Variants in PRKCZ observed in about 807,000 individuals in gnomAD.
PRKCZ encodes the protein protein kinase C zeta, also known as protein kinase C zeta type.
Under a neutral mutation model 79.5 loss-of-function variants are expected in PRKCZ, and 33 were observed. That is an observed-to-expected ratio of 0.41 (90% CI 0.31 to 0.55). The LOEUF is 0.55. Ranked by LOEUF, PRKCZ falls within the 20% of genes least tolerant of loss-of-function variation. The pLI is 0.19. For missense variants in PRKCZ, 578 were observed against 813.5 expected, an observed-to-expected ratio of 0.71 and a Z score of 3.52; for synonymous variants, 342 against 320.9, an observed-to-expected ratio of 1.07 and a Z score of -0.70.
Position 2,149,412 on chromosome 1 carries a change from G to T in PRKCZ, c.687+488G>T, listed in dbSNP as rs988517328. ...CATAAACCCTGAGAAGGGAACAGAA[G>T]AGCTTGCTGCGTTCTCAGCCTCTGC... On this transcript the variant is annotated intron_variant, in intron 8 of 17. Transcript: ENST00000378567. The surrounding 1 kb of genome is among the most constrained non-coding windows in gnomAD (Gnocchi z 4.1). 6.6e-6 allele frequency among the ~76,000 whole-genome samples: 1 copy of T among 152,224 alleles called. No individual in the cohort carries two copies. Among genetic ancestry groups the T allele is most frequent in the Non-Finnish European group, 1.5e-5 (1 of 68,044 alleles).
rs1387433788 is a variant in PRKCZ, at chr1:2,173,777, C to CGCCTG, written c.1286-119_1286-115dup. 4.3e-6 allele frequency: 6 copies of CGCCTG among 1,407,360 alleles called. No individual in the cohort carries two copies. In the African/African-American group the frequency reaches 8.8e-5, roughly 21 times the overall value. The allele number at this position is 1,407,360 out of a possible 1,614,324, so 87.2% of individuals were successfully genotyped here. ...GTGGAAGTCACAGAGGCCTGTGTGC[C>CGCCTG]GCCTGCTCAAGCCTGGCTCACACTC... On this transcript the variant is annotated intron_variant, in intron 13 of 17. Transcript: ENST00000378567. The surrounding 1 kb of genome is among the most constrained non-coding windows in gnomAD (Gnocchi z 5.7).
intron 5 of PRKCZ, among the ~76,000 whole-genome samples, chr1:2,139,909 C>T (rs1676979280): frequency 6.6e-6 from 1 of 152,224 alleles, no homozygotes; most frequent in South Asian, 2.1e-4. Flanking sequence ...GGCCACGTCT[C>T]TGAGCTGTGG....
chr1:2,082,450 A>G lies in PRKCZ; in HGVS notation c.334+22859A>G. ...AGAATTGAGTTTGCATGGAGACTGT[A>G]ATTTCATTCTGTGAGTGTAAGATCA... On this transcript the variant is annotated intron_variant, in intron 4 of 17. Coordinates refer to ENST00000378567, the MANE Select transcript of PRKCZ (RefSeq NM_002744.6). This position sits in a 1 kb window ranked among gnomAD's most constrained non-coding sequence, Gnocchi z 4.4. The G allele has an allele frequency of 2.2e-6, 1 of 455,894 alleles. No homozygotes were observed. The highest frequency in any genetic ancestry group is 4.4e-6 in the Non-Finnish European group (1 of 226,788). The allele number at this position is 455,894 out of a possible 1,614,324, so 28.2% of individuals were successfully genotyped here.
chr1:2,096,676 C>G (rs1666580029), intron 4 of PRKCZ, among the ~76,000 whole-genome samples: 1 of 152,116 alleles, frequency 6.6e-6, no homozygotes, highest in South Asian at 2.1e-4. Flanking sequence ...CTGGGCTCTG[C>G]AGCAAGGCGG....
chr1:2,101,011 T>A (rs1407106464), intron 4 of PRKCZ, among the ~76,000 whole-genome samples: 2 of 115,714 alleles, frequency 1.7e-5, no homozygotes. Context: ...TAAGACAATT[T>A]ATTTTGTTAA....
intron 7 of PRKCZ, among the ~76,000 whole-genome samples, chr1:2,146,736 C>G (rs1309074559): frequency 6.6e-6 from 1 of 152,188 alleles, no homozygotes; most frequent in Admixed American, 6.5e-5. Flanking sequence ...CATTGGGAGA[C>G]CACAGAACAT....
intron 4 of PRKCZ, chr1:2,073,616 G>A (rs1661834195): frequency 3.0e-6 from 3 of 988,702 alleles, no homozygotes; most frequent in Non-Finnish European, 2.4e-6. Context: ...TTCCTGTGAC[G>A]TCAGCGTCAG....
chr1:2,082,476 C>T lies in PRKCZ; in HGVS notation c.334+22885C>T, dbSNP rs932043958. ...ATTTCATTCTGTGAGTGTAAGATCA[C>T]GTCCGCGTTCCTAGCGACCGGTTTT... On this transcript the variant is annotated intron_variant, in intron 4 of 17. Coordinates refer to ENST00000378567, the MANE Select transcript of PRKCZ (RefSeq NM_002744.6). The surrounding 1 kb of genome is among the most constrained non-coding windows in gnomAD (Gnocchi z 4.4). 32 of 452,384 alleles carry T rather than the reference C, an allele frequency of 7.1e-5. No homozygotes were observed. The highest frequency in any genetic ancestry group is 5.6e-4 in the African/African-American group (28 of 49,940). The allele number at this position is 452,384 out of a possible 1,614,324, so 28.0% of individuals were successfully genotyped here.
chr1:2,143,650 G>GAATA (rs1313369599), intron 5 of PRKCZ: 1 of 152,310 alleles, frequency 6.6e-6, no homozygotes, highest in Non-Finnish European at 1.5e-5. Flanking sequence ...GAACCATGAA[G>GAATA]AATAAAGAAG....
chr1:2,131,497 T>C (rs1000418813), intron 4 of PRKCZ, among the ~76,000 whole-genome samples: 1 of 152,212 alleles, frequency 6.6e-6, no homozygotes, highest in South Asian at 2.1e-4. Flanking sequence ...ATGGGATATT[T>C]GAAGGAGGCA....
At chr1:2,073,498 G>A in intron 4 of PRKCZ, 2 of 477,474 alleles carry the variant, frequency 4.2e-6, no homozygotes, top group Non-Finnish European at 5.5e-6. Flanking sequence ...GGCTTAGCTG[G>A]GTTCTGTTCT....
chr1:2,133,466 C>A (rs971602007), intron 4 of PRKCZ, among the ~76,000 whole-genome samples: 2 of 150,566 alleles, frequency 1.3e-5, no homozygotes, highest in South Asian at 2.1e-4. Flanking sequence ...GCTCTACCCC[C>A]AGCTGTGCGC....
chr1:2,116,670 G>C (rs529372873), intron 4 of PRKCZ, among the ~76,000 whole-genome samples: 4 of 152,244 alleles, frequency 2.6e-5, no homozygotes, highest in African/African-American at 9.6e-5. Flanking sequence ...GTACTGTTCT[G>C]ATTTCTTCTG....
At chr1:2,069,770 G>A (rs1443339957) in intron 4 of PRKCZ, among the ~76,000 whole-genome samples, 1 of 152,170 alleles carries the variant, frequency 6.6e-6, no homozygotes, top group Non-Finnish European at 1.5e-5. Context: ...TGGAGGGAGG[G>A]GTGGATGCTA....
intron 10 of PRKCZ, among the ~76,000 whole-genome samples, chr1:2,163,155 C>G (rs552965237): frequency 3.3e-5 from 5 of 152,346 alleles, no homozygotes; most frequent in Non-Finnish European, 7.3e-5. Context: ...TATTCCTGAC[C>G]CCAGCTGGAA....
intron 4 of PRKCZ, chr1:2,073,573 T>C (rs954738620): frequency 2.1e-6 from 2 of 970,668 alleles, no homozygotes; most frequent in Middle Eastern, 5.2e-4. Flanking sequence ...GCCCGCCCGC[T>C]CTCTGGACTG....
At chr1:2,103,528 A>G (rs1276031428) in intron 4 of PRKCZ, among the ~76,000 whole-genome samples, 1 of 152,108 alleles carries the variant, frequency 6.6e-6, no homozygotes, top group Admixed American at 6.5e-5. Context: ...AAGCCCTCCA[A>G]GCTCCATCAG....
At chr1:2,078,741 T>C (rs961799929) in intron 4 of PRKCZ, among the ~76,000 whole-genome samples, 2 of 152,192 alleles carry the variant, frequency 1.3e-5, no homozygotes, top group Non-Finnish European at 2.9e-5. Flanking sequence ...TGTTATATGC[T>C]AGGAGACATC....
At chr1:2,104,289 G>A (rs1401629070) in intron 4 of PRKCZ, among the ~76,000 whole-genome samples, 1 of 152,154 alleles carries the variant, frequency 6.6e-6, no homozygotes, top group Non-Finnish European at 1.5e-5. Context: ...CAAAAAGGGG[G>A]TCCAACTCTT....
Sources: gnomAD v4.1 joint callset for allele counts (sites outside exome capture counted in the v4.1 genomes callset) on GRCh38, gnomAD v4.1.1 for gene constraint, Gnocchi (gnomAD v3.1) non-coding constraint, MANE v1.5 for transcripts, NCBI Gene and HGNC (gene_info 2026-07-23, HGNC 2026-07-21) for gene names.